Variants in HEPH observed in about 807,000 individuals in gnomAD.
HEPH encodes hephaestin.
A neutral mutation model predicts 80.8 loss-of-function variants in HEPH; 69 were observed. The ratio of observed to expected loss-of-function variants is 0.85; its 90% CI spans 0.70 to 1.04. The LOEUF (loss-of-function observed/expected upper bound fraction) is 1.04. HEPH is among the 50% of genes least tolerant of loss of function. The pLI is 0.00. For synonymous variants in HEPH, 431 were observed against 322.8 expected (o/e 1.34, Z -3.60); for missense variants, 1,115 against 891.3 (o/e 1.25, Z -3.20).
chrX:66,228,271 G>T (rs760921665), intron 15 of HEPH, among the ~76,000 whole-genome samples: 2 of 112,562 alleles, frequency 1.8e-5, no homozygotes, highest in African/African-American at 3.2e-5. Flanking sequence ...ATGATTCAAT[G>T]ATCTCCCACT....
chrX:66,190,072 A>G (rs1402112206), intron 6 of HEPH, 134 bp downstream of exon 6: 1 of 640,668 alleles, frequency 1.6e-6, no homozygotes, highest in African/African-American at 2.4e-5. Context: ...ATAGCACACT[A>G]GATTAGAAGT....
intron 15 of HEPH, among the ~76,000 whole-genome samples, chrX:66,241,487 CCAA>C (rs1332410765): frequency 1.8e-5 from 2 of 111,388 alleles, no homozygotes; most frequent in East Asian, 5.6e-4. Context: ...AGACTTTAAA[CCAA>C]CAACAATCAA....
intron 13 of HEPH, among the ~76,000 whole-genome samples, chrX:66,204,115 C>T (rs142614124): frequency 4.8e-4 from 54 of 111,936 alleles, no homozygotes; most frequent in South Asian, 1.5e-3. Context: ...TAGCTATTCC[C>T]GGCTATCATG....
intron 6 of HEPH, 57 bp from the exon 7 acceptor site, chrX:66,192,073 C>G: frequency 1.8e-6 from 2 of 1,109,589 alleles, no homozygotes. Context: ...AAGGTGAGTC[C>G]TCTGGGTTAA....
chrX:66,188,108 G>T (rs1453846534), intron 4 of HEPH, among the ~76,000 whole-genome samples: 1 of 111,422 alleles, frequency 9.0e-6, no homozygotes, highest in Non-Finnish European at 1.9e-5. Flanking sequence ...GAAGACATAG[G>T]CAGGGATGGT....
intron 15 of HEPH, among the ~76,000 whole-genome samples, chrX:66,210,559 G>A (rs1276313219): frequency 1.8e-5 from 2 of 111,124 alleles, no homozygotes; most frequent in Non-Finnish European, 3.8e-5. Context: ...TGGGGATTGG[G>A]ATGGAAAAGA....
In HEPH at chrX:66,189,704, G is replaced by T; in HGVS notation, c.829G>T (p.Gly277Trp). The change falls in exon 6 of 21, where the codon GGG becomes TGG. Residue 277 changes from glycine (G) to tryptophan (W), a missense_variant. By Grantham distance (184) the Gly-to-Trp change is radical. Around this residue, in one of 3 missense-constraint regions of HEPH, gnomAD observed 391 missense variants for 343.6 expected, o/e 1.14. Transcript: ENST00000343002. ...TGCAGCAATCAATGGCTTTGTTTTTGGGAATTTACCTGAGCTGAACATGTG... is the reference window on the plus strand; with the variant it reads ...TGCAGCAATCAATGGCTTTGTTTTTTGGAATTTACCTGAGCTGAACATGTG... Reference protein sequence around the residue: ...RMHAINGFVFGNLPELNMCAQ... With the variant: ...RMHAINGFVFWNLPELNMCAQ... 2 of 1,206,793 alleles carry T rather than the reference G, an allele frequency of 1.7e-6. No individual in the cohort carries two copies. Among genetic ancestry groups the T allele is most frequent in the South Asian group, 1.8e-5 (1 of 56,419 alleles).
intron 15 of HEPH, among the ~76,000 whole-genome samples, chrX:66,213,038 A>T (rs781560697): frequency 9.2e-6 from 1 of 108,586 alleles, no homozygotes; most frequent in Admixed American, 9.9e-5. Flanking sequence ...TTATTTATTT[A>T]TTTTAATTAT....
chrX:66,257,698 G>A (rs972677200), intron 17 of HEPH, among the ~76,000 whole-genome samples: 2 of 112,088 alleles, frequency 1.8e-5, no homozygotes, highest in Non-Finnish European at 3.8e-5. Flanking sequence ...CCTGATTGAT[G>A]AGGGAGAGAA....
chrX:66,176,204 G>T (rs1261362873), intron 4 of HEPH, among the ~76,000 whole-genome samples: 1 of 111,892 alleles, frequency 8.9e-6, no homozygotes, highest in Non-Finnish European at 1.9e-5. Flanking sequence ...TACCAATTTT[G>T]CTGAGAGTTT....
chrX:66,202,293 G>A (rs995020316), intron 12 of HEPH, among the ~76,000 whole-genome samples: 12 of 111,696 alleles, frequency 1.1e-4, no homozygotes, highest in Non-Finnish European at 2.1e-4. Flanking sequence ...AGTGCTAGTT[G>A]AGTTTGAGAC....
At position 66,197,703 on chromosome X, in the gene HEPH, G is replaced by T. The variant is rs1353569712; in HGVS notation, c.1522G>T (p.Val508Phe). 3.3e-6 allele frequency: 4 copies of T among 1,209,652 alleles called. No individual in the cohort carries two copies. The highest frequency in any genetic ancestry group is 3.5e-5 in the African/African-American group (2 of 57,167). ...YNDGSSYPGL[V>F]AKPFEKVTYR... is the part of the protein sequence containing the mutation. ...TACAGGCTCATCTTACCCTGGCTTG[G>T]TTGCCAAGCCCTTTGAGAAAGTAAC... The change falls in exon 10 of 21, where the codon GTT (valine) becomes TTT (phenylalanine). Residue 508 changes from valine to phenylalanine, a missense_variant. Transcript: ENST00000343002.
chrX:66,206,339 CTTTTTTTTTTTTTTTTTTTTTTTTTTTTT>C (rs760184190), intron 13 of HEPH, among the ~76,000 whole-genome samples: 4 of 14,081 alleles, frequency 2.8e-4, no homozygotes, highest in Admixed American at 1.2e-3. Flanking sequence ...AACCTGCCAT[CTTTTTTTTTTTTTTTTTTTTTTTTTTTTT>C]TTTTTTTTTT....
At chrX:66,180,152 A>AT (rs991054063) in intron 4 of HEPH, among the ~76,000 whole-genome samples, 2 of 106,877 alleles carry the variant, frequency 1.9e-5, no homozygotes, top group East Asian at 2.9e-4. Context: ...TTTTTTTTTT[A>AT]TTTTTTTGTT....
intron 15 of HEPH, among the ~76,000 whole-genome samples, chrX:66,243,189 G>A: frequency 8.9e-6 from 1 of 111,774 alleles, no homozygotes; most frequent in Non-Finnish European, 1.9e-5. Flanking sequence ...AAACATAGAT[G>A]GAACTGGAGG....
At chrX:66,263,190 A>G (rs969197847) in intron 19 of HEPH, among the ~76,000 whole-genome samples, 2 of 112,018 alleles carry the variant, frequency 1.8e-5, no homozygotes, top group East Asian at 2.8e-4. Context: ...ATCTCAAAGA[A>G]GTATTGAGAT....
rs750697904 is a variant in HEPH at position 66,256,355 on chromosome X, G to A, written c.2896+25G>A. ...GGTCAGTAGTAAAAAACCTACTCTTGTTCCAAAGCAGTCCCTACTGGTTAC... is the reference window on the plus strand; with the variant it reads ...GGTCAGTAGTAAAAAACCTACTCTTATTCCAAAGCAGTCCCTACTGGTTAC... On this transcript the variant is annotated intron_variant, in intron 17 of 20. Transcript: ENST00000343002. 13 of 1,082,827 alleles carry A rather than the reference G, an allele frequency of 1.2e-5. No individual in the cohort carries two copies. The East Asian group carries it at 1.5e-4, about 13-fold the overall frequency. 89.2% of individuals were successfully genotyped at this position (1,082,827 alleles called of 1,213,427 possible). A position where few individuals can be genotyped will look rare whatever the true frequency, so the allele number is the denominator to read the frequency against.
intron 17 of HEPH, 73 bp downstream of exon 17, chrX:66,256,403 T>C (rs1168008167): frequency 1.4e-6 from 1 of 723,321 alleles, no homozygotes; most frequent in Non-Finnish European, 2.1e-6. Context: ...AATAGGCCTA[T>C]TGCTACCTAA....
chrX:66,215,251 G>C (rs1223798729), intron 15 of HEPH, among the ~76,000 whole-genome samples: 2 of 111,250 alleles, frequency 1.8e-5, no homozygotes, highest in Non-Finnish European at 3.8e-5. Context: ...ATAATGTAGA[G>C]AAATGCTATT....
Sources: gnomAD v4.1 joint callset for allele counts (sites outside exome capture counted in the v4.1 genomes callset) on GRCh38, gnomAD v4.1.1 for gene constraint, gnomAD v4.1.1 regional missense constraint, MANE v1.5 for transcripts, NCBI Gene and HGNC (gene_info 2026-07-23, HGNC 2026-07-21) for gene names.